PTPRD: variants seen among roughly 807,000 people sequenced by gnomAD.
The protein encoded by PTPRD is receptor-type tyrosine-protein phosphatase delta.
Under a neutral mutation model 214.5 loss-of-function variants are expected in PTPRD, and 34 were observed. The ratio of observed to expected loss-of-function variants is 0.16; its 90% confidence interval spans 0.12 to 0.21. PTPRD has a LOEUF of 0.21. Ranked by LOEUF, PTPRD falls within the 10% of genes least tolerant of loss-of-function variation. The pLI, the probability that PTPRD is intolerant of heterozygous loss-of-function variation, is 1.00. For synonymous variants in PTPRD, 1,128 were observed against 845.7 expected, an observed-to-expected ratio of 1.33 and a Z score of -5.79; for missense variants, 2,545 against 2,398.7, an observed-to-expected ratio of 1.06 and a Z score of -1.27.
At chr9:9,691,639 T>A (rs1239808359) in intron 7 of PTPRD, among the ~76,000 whole-genome samples, 1 of 152,012 alleles carries the variant, frequency 6.6e-6, no homozygotes, top group Non-Finnish European at 1.5e-5. Context: ...GGGTTTATAC[T>A]CAGCTTTGGG....
At chr9:9,660,117 T>A (rs950747979) in intron 7 of PTPRD, among the ~76,000 whole-genome samples, 1 of 152,108 alleles carries the variant, frequency 6.6e-6, no homozygotes, top group African/African-American at 2.4e-5. Flanking sequence ...AATTTTTATA[T>A]GCTAACAGTA....
At chr9:9,307,898 T>G (rs888763971) in intron 9 of PTPRD, among the ~76,000 whole-genome samples, 2 of 152,186 alleles carry the variant, frequency 1.3e-5, no homozygotes, top group African/African-American at 4.8e-5. Context: ...TCTGTTTGCC[T>G]CCACAGCGAC....
At chr9:9,488,736 A>G (rs939802725) in intron 8 of PTPRD, among the ~76,000 whole-genome samples, 3 of 152,176 alleles carry the variant, frequency 2.0e-5, no homozygotes, top group Non-Finnish European at 4.4e-5. Flanking sequence ...ACTTCCAGGT[A>G]AAGGCTCAGA....
rs375337710 is a variant in PTPRD at position 9,271,948 on chromosome 9, A to T, written c.-202-88585T>A. 3.2e-4 allele frequency among the ~76,000 whole-genome samples: 48 copies of T among 151,506 alleles called. No individual in the cohort carries two copies. The East Asian group carries it at 7.5e-3, about 24-fold the overall frequency. ...AAACTTCATTGTTTATAGAGATACA[A>T]ATCTGCTATATTGCATTATTATTTC... On this transcript the variant is annotated intron_variant, in intron 9 of 45. Transcript: ENST00000381196.
chr9:9,051,785 C>G (rs1425110066), intron 10 of PTPRD, among the ~76,000 whole-genome samples: 1 of 152,134 alleles, frequency 6.6e-6, no homozygotes, highest in African/African-American at 2.4e-5. Flanking sequence ...AGTTGTAGGA[C>G]TGACTAAGGT....
chr9:9,579,216 C>G (rs1266226391), intron 7 of PTPRD, among the ~76,000 whole-genome samples: 1 of 151,978 alleles, frequency 6.6e-6, no homozygotes, highest in Non-Finnish European at 1.5e-5. Context: ...TGGGCTGGTC[C>G]TCATTAATAA....
chr9:9,926,067 C>G (rs536669129), intron 5 of PTPRD, among the ~76,000 whole-genome samples: 1 of 151,952 alleles, frequency 6.6e-6, no homozygotes, highest in East Asian at 1.9e-4. Context: ...CAGGCTCAAG[C>G]GATCCTCCTG....
chr9:8,745,431 G>A (rs1010020859), intron 11 of PTPRD, among the ~76,000 whole-genome samples: 1 of 152,162 alleles, frequency 6.6e-6, no homozygotes, highest in Non-Finnish European at 1.5e-5. Flanking sequence ...ATAAACGAAA[G>A]GGGAAGGCAA....
intron 6 of PTPRD, among the ~76,000 whole-genome samples, chr9:9,759,761 G>A (rs982449403): frequency 1.3e-5 from 2 of 151,842 alleles, no homozygotes; most frequent in Non-Finnish European, 2.9e-5. Context: ...GTTTCACCAT[G>A]TTGGCCAGGC....
chr9:10,109,900 C>T (rs1217378287), intron 3 of PTPRD, among the ~76,000 whole-genome samples: 1 of 151,412 alleles, frequency 6.6e-6, no homozygotes, highest in African/African-American at 2.4e-5. Context: ...GACAAGCAGC[C>T]CCAAACTGTC....
At chr9:10,138,034 C>T (rs1264105658) in intron 3 of PTPRD, among the ~76,000 whole-genome samples, 1 of 151,764 alleles carries the variant, frequency 6.6e-6, no homozygotes, top group Non-Finnish European at 1.5e-5. Context: ...AAAGAAACAA[C>T]AAAAATCAGA....
chr9:8,828,785 G>C (rs1423040894), intron 11 of PTPRD, among the ~76,000 whole-genome samples: 1 of 152,102 alleles, frequency 6.6e-6, no homozygotes, highest in East Asian at 1.9e-4. Context: ...CTTTAACTTT[G>C]CAACAGAATA....
chr9:10,214,629 G>C (rs2099532953), intron 3 of PTPRD, among the ~76,000 whole-genome samples: 1 of 151,834 alleles, frequency 6.6e-6, no homozygotes, highest in Non-Finnish European at 1.5e-5. Context: ...TTGGCTGTAG[G>C]TGTTGCTGTA....
intron 10 of PTPRD, among the ~76,000 whole-genome samples, chr9:9,181,517 G>A (rs568137557): frequency 1.0e-3 from 156 of 151,906 alleles, no homozygotes; most frequent in African/African-American, 3.6e-3. Context: ...ACAAATTTAT[G>A]TACCTCCTAC....
chr9:9,523,152 TA>T (rs531004527), intron 8 of PTPRD, among the ~76,000 whole-genome samples: 36 of 152,274 alleles, frequency 2.4e-4, no homozygotes, highest in African/African-American at 8.4e-4. Flanking sequence ...TTATAATTTT[TA>T]AAAAAATGCT....
intron 11 of PTPRD, among the ~76,000 whole-genome samples, chr9:8,987,678 A>G (rs931065152): frequency 6.6e-6 from 1 of 152,088 alleles, no homozygotes; most frequent in African/African-American, 2.4e-5. Context: ...CAATAACACA[A>G]TGAATGTGGA....
In PTPRD at chr9:10,237,609, C is replaced by T. The variant is rs1281239242; in HGVS notation, c.-545+103354G>A. Among the ~76,000 whole-genome samples, 6 of 152,042 alleles carry T rather than the reference C, an allele frequency of 3.9e-5. No homozygotes were observed. In the South Asian group the frequency reaches 1.0e-3, roughly 26 times the overall value. Reference sequence around the variant, plus strand: ...CAAAAATTCTCCAAATGTTTAATTGCTTTAAGTACTATAGTGCCTAAGGCC... The same window carrying T: ...CAAAAATTCTCCAAATGTTTAATTGTTTTAAGTACTATAGTGCCTAAGGCC... On this transcript the variant is annotated intron_variant, in intron 3 of 45. Transcript: ENST00000381196.
chr9:9,084,534 C>A (rs1392387104), intron 10 of PTPRD, among the ~76,000 whole-genome samples: 1 of 151,992 alleles, frequency 6.6e-6, no homozygotes, highest in African/African-American at 2.4e-5. Context: ...CACATGTATC[C>A]CAGAATTAAA....
rs77409523 is a variant in PTPRD, at chr9:8,947,366, G to A, written c.-104+71331C>T. 5.7e-4 allele frequency among the ~76,000 whole-genome samples: 86 copies of A among 150,916 alleles called. 3 individuals carry two copies. The East Asian group carries it at 0.016, about 28-fold the overall frequency. On this transcript the variant is annotated intron_variant, in intron 11 of 45. Transcript: ENST00000381196. ...TAGTCCCAGCTATTCGGGAGACTGAGGCAGGAGAATCTTCTGAACCCGGGA... is the reference window on the plus strand; with the variant it reads ...TAGTCCCAGCTATTCGGGAGACTGAAGCAGGAGAATCTTCTGAACCCGGGA...
Sources: gnomAD v4.1 joint callset for allele counts (sites outside exome capture counted in the v4.1 genomes callset) on GRCh38, gnomAD v4.1.1 for gene constraint, MANE v1.5 for transcripts, NCBI Gene and HGNC (gene_info 2026-07-23, HGNC 2026-07-21) for gene names.